Variants in MAP4 observed in about 807,000 individuals in gnomAD.
MAP4 encodes microtubule-associated protein 4.
MAP4 carries 76 observed loss-of-function variants against 170.2 expected under a neutral mutation model. The observed-to-expected ratio is 0.45, with a 90% CI of 0.37 to 0.54. The LOEUF (loss-of-function observed/expected upper bound fraction) is 0.54. Among genes scored for constraint, MAP4 ranks in the 20% least tolerant of loss-of-function variants. The pLI is 0.00. For missense variants in MAP4, 2,506 were observed against 2,748.0 expected (o/e 0.91, Z 1.97); for synonymous variants, 909 against 994.5 (o/e 0.91, Z 1.62).
At chr3:48,070,804 C>T (rs1004756712) in intron 1 of MAP4, among the ~76,000 whole-genome samples, 5 of 150,288 alleles carry the variant, frequency 3.3e-5, no homozygotes, top group Non-Finnish European at 7.4e-5. Flanking sequence ...AGTTAAGAGA[C>T]CAGCCTGGGC....
intron 10 of MAP4, among the ~76,000 whole-genome samples, chr3:47,898,398 A>C (rs1386988632): frequency 1.3e-5 from 2 of 150,738 alleles, no homozygotes; most frequent in Non-Finnish European, 2.9e-5. Flanking sequence ...GCTACCCGGG[A>C]GGCTGAGGCA....
intron 2 of MAP4, among the ~76,000 whole-genome samples, chr3:47,982,959 G>A (rs762263641): frequency 7.9e-5 from 12 of 151,894 alleles, no homozygotes; most frequent in African/African-American, 2.4e-4. Context: ...GTGCAGTGGC[G>A]CAATCTTGGC....
intron 1 of MAP4, among the ~76,000 whole-genome samples, chr3:48,024,244 A>G (rs993087325): frequency 3.9e-5 from 6 of 152,150 alleles, no homozygotes; most frequent in African/African-American, 1.4e-4. Flanking sequence ...TGGGAGGCAG[A>G]GGTTGCAGTG....
chr3:47,875,934 A>AT, intron 11 of MAP4, 34 bp from the exon 12 acceptor site: 1 of 1,492,772 alleles, frequency 6.7e-7, no homozygotes, highest in Non-Finnish European at 9.1e-7. Flanking sequence ...TTTTATTTTT[A>AT]TTTTTTAAAG....
chr3:48,061,847 G>A (rs1579703745), intron 1 of MAP4, among the ~76,000 whole-genome samples: 1 of 144,124 alleles, frequency 6.9e-6, no homozygotes, highest in Non-Finnish European at 1.5e-5. Context: ...GTGGGGGGCA[G>A]CCCCCGCCCG....
intron 2 of MAP4, among the ~76,000 whole-genome samples, chr3:47,981,929 T>A (rs2100085647): frequency 6.6e-6 from 1 of 152,134 alleles, no homozygotes; most frequent in African/African-American, 2.4e-5. Flanking sequence ...ACAGACCCCA[T>A]CATCTCATAA....
chr3:47,997,469 T>G (rs530124644), intron 2 of MAP4, among the ~76,000 whole-genome samples: 1 of 151,602 alleles, frequency 6.6e-6, no homozygotes, highest in South Asian at 2.1e-4. Flanking sequence ...AAATGGTGAT[T>G]AGAGGGTAAT....
chr3:48,021,195 A>T (rs558755017), upstream of MAP4, among the ~76,000 whole-genome samples: 1 of 152,326 alleles, frequency 6.6e-6, no homozygotes, highest in Non-Finnish European at 1.5e-5. Flanking sequence ...GAATCAGTTT[A>T]CTAGATGTAG....
intron 1 of MAP4, among the ~76,000 whole-genome samples, chr3:48,047,513 G>C (rs149247974): frequency 1.4e-4 from 21 of 152,282 alleles, no homozygotes. Flanking sequence ...ACCAAGCAAA[G>C]TGGGGAGGGA....
At chr3:48,008,895 A>G (rs1393186952) in intron 1 of MAP4, among the ~76,000 whole-genome samples, 2 of 152,190 alleles carry the variant, frequency 1.3e-5, no homozygotes, top group Admixed American at 6.5e-5. Flanking sequence ...GACCGACACC[A>G]AGCCCTCAGT....
chr3:47,877,383 G>T, intron 11 of MAP4, 34 bp downstream of exon 11: 1 of 1,475,996 alleles, frequency 6.8e-7, no homozygotes, highest in Non-Finnish European at 9.5e-7. Flanking sequence ...TAAAAATTAT[G>T]GCAGTAGAAG....
At chr3:48,023,990 A>C (rs2154489201) in intron 1 of MAP4, among the ~76,000 whole-genome samples, 1 of 152,316 alleles carries the variant, frequency 6.6e-6, no homozygotes. Context: ...AATATGCAAC[A>C]GGAGAAAGTA....
At chr3:47,875,973 CAAATT>C (rs1477426530) in intron 11 of MAP4, 73 bp from the exon 12 acceptor site, 2 of 1,139,262 alleles carry the variant, frequency 1.8e-6, no homozygotes, top group Non-Finnish European at 2.6e-6. Flanking sequence ...AGAATAAAAA[CAAATT>C]AAAAAAAGTA....
chr3:47,922,755 G>GA (rs1010466211), intron 4 of MAP4, among the ~76,000 whole-genome samples: 2 of 151,898 alleles, frequency 1.3e-5, no homozygotes, highest in Non-Finnish European at 1.5e-5. Flanking sequence ...TTTTGTACAT[G>GA]AAAAAAAAGC....
At chr3:47,884,364 G>A (rs2097244445) in intron 10 of MAP4, among the ~76,000 whole-genome samples, 1 of 152,024 alleles carries the variant, frequency 6.6e-6, no homozygotes, top group African/African-American at 2.4e-5. Flanking sequence ...TTTCTTTACT[G>A]AGGTTTTTAG....
chr3:48,003,758 T>C (rs993578878), intron 1 of MAP4, among the ~76,000 whole-genome samples: 2 of 152,134 alleles, frequency 1.3e-5, no homozygotes, highest in East Asian at 3.9e-4. Flanking sequence ...GGTGTGTCTG[T>C]GAGGGTGTTG....
At chr3:48,045,325 T>C (rs1431272499) in intron 1 of MAP4, among the ~76,000 whole-genome samples, 1 of 149,580 alleles carries the variant, frequency 6.7e-6, no homozygotes, top group South Asian at 2.1e-4. Flanking sequence ...TATAGGAAAA[T>C]TGAAAGAACA....
chr3:48,014,697 T>C (rs1390172686), intron 1 of MAP4, among the ~76,000 whole-genome samples: 1 of 151,940 alleles, frequency 6.6e-6, no homozygotes, highest in East Asian at 1.9e-4. Context: ...ATTCCCACCA[T>C]CATACTCACT....
chr3:47,899,996 C>A (rs1274907067), intron 10 of MAP4, among the ~76,000 whole-genome samples: 1 of 152,126 alleles, frequency 6.6e-6, no homozygotes, highest in East Asian at 1.9e-4. Flanking sequence ...CTGTTCAGGG[C>A]CTTGGTTTTT....
Sources: allele counts gnomAD v4.1 joint callset (sites outside exome capture counted in the v4.1 genomes callset), GRCh38; gene constraint gnomAD v4.1.1; transcripts MANE v1.5; gene names NCBI Gene and HGNC (gene_info 2026-07-23, HGNC 2026-07-21).